Variants in CLVS1 observed in about 807,000 individuals in gnomAD.
CLVS1 encodes the protein clavesin 1, also known as clavesin-1.
CLVS1 carries 10 observed loss-of-function variants against 33.1 expected under a neutral mutation model. The ratio of observed to expected loss-of-function variants is 0.30; its 90% CI spans 0.19 to 0.51. CLVS1 has a LOEUF of 0.51. Ranked by LOEUF, CLVS1 falls within the 20% of genes least tolerant of loss-of-function variation. The probability of loss-of-function intolerance (pLI) is 0.97; values close to 1 mark genes in which losing one functional copy is unlikely to be tolerated. For missense variants in CLVS1, 343 were observed against 433.4 expected, an observed-to-expected ratio of 0.79 and a Z score of 1.85; for synonymous variants, 163 against 166.1, an observed-to-expected ratio of 0.98 and a Z score of 0.14.
chr8:61,078,075 G>A (rs1217058737), intron 1 of CLVS1, among the ~76,000 whole-genome samples: 2 of 152,210 alleles, frequency 1.3e-5, no homozygotes, highest in African/African-American at 4.8e-5. Context: ...TTTAAACAGA[G>A]CCCCAGTGCA....
intron 2 of CLVS1, among the ~76,000 whole-genome samples, chr8:61,334,500 T>A (rs1437567457): frequency 1.3e-5 from 2 of 152,178 alleles, no homozygotes; most frequent in African/African-American, 4.8e-5. Context: ...GGGCAAGGGA[T>A]TTCTCCGCCT....
chr8:61,314,762 T>TTTG (rs1056675489), intron 2 of CLVS1, among the ~76,000 whole-genome samples: 3 of 152,180 alleles, frequency 2.0e-5, no homozygotes, highest in African/African-American at 7.2e-5. Flanking sequence ...TAATATCTTT[T>TTTG]TTGTTGTTGT....
At chr8:61,278,605 AG>A (rs1809607993) in intron 2 of CLVS1, among the ~76,000 whole-genome samples, 1 of 152,250 alleles carries the variant, frequency 6.6e-6, no homozygotes. Flanking sequence ...TATATGTGTT[AG>A]TGAATGTCAT....
At chr8:61,037,331 A>G in the CLVS1 span, among the ~76,000 whole-genome samples, 84 of 152,134 alleles carry the variant, frequency 5.5e-4, no homozygotes, top group Non-Finnish European at 9.7e-4. Context: ...CTTACTTTCT[A>G]TCTTTATCAA....
intron 2 of CLVS1, among the ~76,000 whole-genome samples, chr8:61,140,160 T>C (rs1445116430): frequency 6.6e-6 from 1 of 152,210 alleles, no homozygotes; most frequent in Non-Finnish European, 1.5e-5. Context: ...ATCTCCTTCC[T>C]TCAGACCCAT....
chr8:61,385,438 C>A (rs1814043480), intron 3 of CLVS1, among the ~76,000 whole-genome samples: 2 of 152,158 alleles, frequency 1.3e-5, no homozygotes, highest in African/African-American at 4.8e-5. Flanking sequence ...ATTTGGCATT[C>A]TTGAAGGGAC....
intron 1 of CLVS1, among the ~76,000 whole-genome samples, chr8:61,124,996 A>C (rs1425235003): frequency 6.6e-6 from 1 of 152,180 alleles, no homozygotes; most frequent in African/African-American, 2.4e-5. Flanking sequence ...GCCAACAATC[A>C]TGAGCATTTC....
At chr8:61,100,981 A>G (rs182377810) in intron 1 of CLVS1, among the ~76,000 whole-genome samples, 250 of 152,294 alleles carry the variant, frequency 1.6e-3, no homozygotes, top group African/African-American at 5.6e-3. Context: ...ATCAGTTGAC[A>G]GACACATTGG....
At chr8:61,155,309 T>C (rs1241786995) in intron 2 of CLVS1, among the ~76,000 whole-genome samples, 1 of 152,208 alleles carries the variant, frequency 6.6e-6, no homozygotes, top group Non-Finnish European at 1.5e-5. Context: ...TCTGCACTAT[T>C]TGACAAACAA....
At chr8:61,452,003 C>T (rs1026409289) in intron 3 of CLVS1, among the ~76,000 whole-genome samples, 1 of 152,192 alleles carries the variant, frequency 6.6e-6, no homozygotes, top group Admixed American at 6.5e-5. Flanking sequence ...CTTCTAGACA[C>T]AGGGTTCACA....
At chr8:61,287,459 T>C (rs1809810631), upstream of CLVS1, among the ~76,000 whole-genome samples, 1 of 152,224 alleles carries the variant, frequency 6.6e-6, no homozygotes, top group South Asian at 2.1e-4. Flanking sequence ...AGGAGTGTTT[T>C]TATGCACTCA....
chr8:61,082,356 A>C (rs1039631774), intron 1 of CLVS1, among the ~76,000 whole-genome samples: 2 of 152,200 alleles, frequency 1.3e-5, no homozygotes, highest in African/African-American at 4.8e-5. Context: ...AAAGAAAAAG[A>C]AAAAGGAAGA....
At chr8:61,487,686 C>G (rs1423460539) in intron 5 of CLVS1, among the ~76,000 whole-genome samples, 1 of 152,204 alleles carries the variant, frequency 6.6e-6, no homozygotes, top group African/African-American at 2.4e-5. Flanking sequence ...TTCCCCAAAC[C>G]CCATCCCTAG....
the CLVS1 span, among the ~76,000 whole-genome samples, chr8:60,988,137 C>T: frequency 6.6e-6 from 1 of 152,072 alleles, no homozygotes; most frequent in Non-Finnish European, 1.5e-5. Context: ...GCAGAGTGAG[C>T]AGAGAATGTT....
intron 1 of CLVS1, among the ~76,000 whole-genome samples, chr8:61,121,853 T>C (rs1186914504): frequency 6.6e-6 from 1 of 152,178 alleles, no homozygotes; most frequent in Admixed American, 6.5e-5. Context: ...GAAAGAGTCC[T>C]AGAGGAATAA....
chr8:61,184,969 C>T (rs1030426108), intron 2 of CLVS1, among the ~76,000 whole-genome samples: 5 of 151,898 alleles, frequency 3.3e-5, no homozygotes, highest in East Asian at 3.8e-4. Context: ...ACAATATTTT[C>T]GTGAATATAT....
At chr8:61,095,047 T>G (rs187875510) in intron 1 of CLVS1, among the ~76,000 whole-genome samples, 1 of 152,342 alleles carries the variant, frequency 6.6e-6, no homozygotes, top group East Asian at 1.9e-4. Context: ...TATTTAGGCA[T>G]TAGTTAATAT....
intron 3 of CLVS1, among the ~76,000 whole-genome samples, chr8:61,448,296 A>C (rs956887324): frequency 6.6e-6 from 1 of 152,006 alleles, no homozygotes; most frequent in Non-Finnish European, 1.5e-5. Flanking sequence ...TTTCTAAATT[A>C]TGGAAGTTTT....
intron 2 of CLVS1, among the ~76,000 whole-genome samples, chr8:61,157,944 TA>T (rs958780600): frequency 6.6e-6 from 1 of 152,120 alleles, no homozygotes; most frequent in African/African-American, 2.4e-5. Context: ...TTTAGCAATT[TA>T]AAAAAGTTAA....
Sources: gnomAD v4.1 joint callset for allele counts (sites outside exome capture counted in the v4.1 genomes callset) on GRCh38, gnomAD v4.1.1 for gene constraint, MANE v1.5 for transcripts, NCBI Gene and HGNC (gene_info 2026-07-23, HGNC 2026-07-21) for gene names.